The following CLASP1 variants were observed in gnomAD, a reference collection of about 807,000 sequenced individuals.
CLASP1 encodes the protein CLIP-associating protein 1.
CLASP1 carries 38 observed loss-of-function variants against 192.3 expected under a neutral mutation model. That is an observed-to-expected ratio of 0.20 (90% CI 0.15 to 0.26). CLASP1 has a LOEUF of 0.26. Among genes scored for constraint, CLASP1 ranks in the 10% least tolerant of loss-of-function variants. The probability of loss-of-function intolerance (pLI) is 1.00; values close to 1 mark genes in which losing one functional copy is unlikely to be tolerated. For missense variants in CLASP1, 1,433 were observed against 1,932.5 expected (o/e 0.74, Z 4.85); for synonymous variants, 691 against 712.8 (o/e 0.97, Z 0.49).
chr2:121,572,514 T>G (rs1054425625), intron 2 of CLASP1, among the ~76,000 whole-genome samples: 2 of 152,134 alleles, frequency 1.3e-5, no homozygotes, highest in African/African-American at 2.4e-5. Flanking sequence ...GGACAAAAAA[T>G]TATTATTTCA....
chr2:121,384,541 A>G, intron 32 of CLASP1, among the ~76,000 whole-genome samples: 1 of 152,220 alleles, frequency 6.6e-6, no homozygotes, highest in East Asian at 1.9e-4. Flanking sequence ...ATAGTTTCTC[A>G]CTATCATCAT....
chr2:121,434,516 T>C (rs533322395), intron 19 of CLASP1, among the ~76,000 whole-genome samples: 1 of 152,152 alleles, frequency 6.6e-6, no homozygotes, highest in Non-Finnish European at 1.5e-5. Context: ...TCCTCTCACC[T>C]TGGCCTCCCA....
intron 23 of CLASP1, among the ~76,000 whole-genome samples, chr2:121,417,945 T>C (rs1253489890): frequency 6.6e-6 from 1 of 152,226 alleles, no homozygotes; most frequent in Non-Finnish European, 1.5e-5. Flanking sequence ...TAAAATGATT[T>C]CTACGTTTAT....
In CLASP1 at chr2:121,371,200, AGTGTGT is replaced by A. The variant is rs60214641; in HGVS notation, c.3643-3375_3643-3370del. ...AGTATCATTTTTTGGGCACATATTA[AGTGTGT>A]GTGTGTGTGTGTGTATATATACATA... On this transcript the variant is annotated intron_variant, in intron 34 of 39. Transcript: ENST00000263710. Among the ~76,000 whole-genome samples, 1,419 of 150,452 alleles carry A rather than the reference AGTGTGT, an allele frequency of 9.4e-3. 16 individuals carry two copies. The highest frequency in any genetic ancestry group is 0.01 in the Non-Finnish European group (696 of 67,492).
At chr2:121,530,475 CGAA>C (rs1167489339) in intron 2 of CLASP1, 150 bp from the exon 3 acceptor site, 7 of 607,136 alleles carry the variant, frequency 1.2e-5, no homozygotes, top group East Asian at 5.6e-5. Flanking sequence ...GAGATTAGCA[CGAA>C]GAAGGATGAT....
chr2:121,612,936 G>A (rs1483305158), intron 1 of CLASP1, among the ~76,000 whole-genome samples: 1 of 152,138 alleles, frequency 6.6e-6, no homozygotes, highest in East Asian at 1.9e-4. Context: ...AGATTATTCA[G>A]AATGTAACAC....
chr2:121,639,863 C>CAA (rs34338582), intron 1 of CLASP1, among the ~76,000 whole-genome samples: 3,568 of 62,240 alleles, frequency 0.057, 104 homozygotes, highest in East Asian at 0.18. Flanking sequence ...AACTCCATCT[C>CAA]AAAAAAAAAA....
intron 7 of CLASP1, among the ~76,000 whole-genome samples, chr2:121,507,839 C>T (rs1263902441): frequency 1.3e-5 from 2 of 151,948 alleles, no homozygotes; most frequent in Non-Finnish European, 2.9e-5. Context: ...TCATGAGAAA[C>T]CATGAAAGCC....
At chr2:121,461,348 T>C (rs754028138) in intron 10 of CLASP1, among the ~76,000 whole-genome samples, 155 bp from the exon 11 acceptor site, 2 of 152,216 alleles carry the variant, frequency 1.3e-5, no homozygotes, top group Non-Finnish European at 2.9e-5. Flanking sequence ...TTGTCTATAA[T>C]GAGGATCTTT....
intron 22 of CLASP1, among the ~76,000 whole-genome samples, chr2:121,419,514 C>G (rs1335724445): frequency 6.6e-6 from 1 of 152,142 alleles, no homozygotes; most frequent in Non-Finnish European, 1.5e-5. Flanking sequence ...GATCAATACT[C>G]TCAGTATTTG....
intron 35 of CLASP1, among the ~76,000 whole-genome samples, chr2:121,366,023 T>TTAA (rs1407783920): frequency 6.6e-6 from 1 of 152,212 alleles, no homozygotes; most frequent in African/African-American, 2.4e-5. Context: ...AGACAAGTTA[T>TTAA]TAGGAACTAC....
At chr2:121,625,848 T>C (rs2068240883) in intron 1 of CLASP1, among the ~76,000 whole-genome samples, 1 of 151,632 alleles carries the variant, frequency 6.6e-6, no homozygotes, top group South Asian at 2.1e-4. Flanking sequence ...TCCCAGCACT[T>C]TGGGAGGCCG....
At chr2:121,423,944 C>T (rs1404878823) in intron 22 of CLASP1, among the ~76,000 whole-genome samples, 1 of 152,194 alleles carries the variant, frequency 6.6e-6, no homozygotes, top group East Asian at 1.9e-4. Context: ...GCCCCCAACT[C>T]CCACCCACTC....
At chr2:121,508,503 C>G (rs1200366247) in intron 7 of CLASP1, among the ~76,000 whole-genome samples, 1 of 152,122 alleles carries the variant, frequency 6.6e-6, no homozygotes, top group Non-Finnish European at 1.5e-5. Flanking sequence ...TAAATTCTAC[C>G]TTGCCAGTAC....
intron 15 of CLASP1, 53 bp from the exon 16 acceptor site, chr2:121,451,043 A>G (rs1419029757): frequency 8.4e-7 from 1 of 1,183,568 alleles, no homozygotes; most frequent in African/African-American, 1.5e-5. Flanking sequence ...GGTTTGATGC[A>G]AGTGAAACCA....
intron 28 of CLASP1, among the ~76,000 whole-genome samples, chr2:121,398,820 G>GT (rs754544779): frequency 4.6e-5 from 7 of 152,000 alleles, no homozygotes; most frequent in Non-Finnish European, 8.8e-5. Context: ...TAAACTAACC[G>GT]TATCATCCTC....
rs1043821356 is a variant in CLASP1, at chr2:121,530,470, T to G, written c.196-145A>C. 4.9e-6 allele frequency: 3 copies of G among 613,978 alleles called. No individual in the cohort carries two copies. The Admixed American group carries it at 8.6e-5, about 18-fold the overall frequency. 38.0% of individuals were successfully genotyped at this position (613,978 alleles called of 1,614,324 possible). A position where few individuals can be genotyped will look rare whatever the true frequency, so the allele number is the denominator to read the frequency against. On this transcript the variant is annotated intron_variant, in intron 2 of 39. Transcript: ENST00000263710. ...ATGCCGACTGGAGGACCAAAGAGAT[T>G]AGCACGAAGAAGGATGATCTTCCAC...
chr2:121,515,451 T>C (rs550328072), intron 7 of CLASP1, among the ~76,000 whole-genome samples: 8 of 152,226 alleles, frequency 5.3e-5, no homozygotes, highest in African/African-American at 1.2e-4. Context: ...ACCTGGCCAG[T>C]TGTCTGAGTG....
At chr2:121,590,568 T>G (rs2105739146) in intron 2 of CLASP1, among the ~76,000 whole-genome samples, 1 of 152,308 alleles carries the variant, frequency 6.6e-6, no homozygotes, top group Non-Finnish European at 1.5e-5. Flanking sequence ...ATATAAACAA[T>G]AAGATAATTA....
Sources: gnomAD v4.1 joint callset for allele counts (sites outside exome capture counted in the v4.1 genomes callset) on GRCh38, gnomAD v4.1.1 for gene constraint, MANE v1.5 for transcripts, NCBI Gene and HGNC (gene_info 2026-07-23, HGNC 2026-07-21) for gene names.